The following REPS1 variants were observed in gnomAD, a reference collection of about 807,000 sequenced individuals.
REPS1 encodes ralBP1-associated Eps domain-containing protein 1.
In REPS1, 39 loss-of-function variants were observed where a neutral mutation model predicts 100.9. The observed-to-expected ratio is 0.39, with a 90% CI of 0.30 to 0.50. REPS1 has a LOEUF of 0.50. REPS1 is among the 20% of genes least tolerant of loss of function. REPS1 has a pLI of 0.86. For synonymous variants in REPS1, 324 were observed against 340.3 expected (o/e 0.95, Z 0.53); for missense variants, 821 against 968.5 (o/e 0.85, Z 2.02).
intron 13 of REPS1, 154 bp from the exon 14 acceptor site, chr6:138,916,130 C>A: frequency 1.5e-6 from 1 of 678,168 alleles, no homozygotes; most frequent in Non-Finnish European, 2.7e-6. Flanking sequence ...ATTAAGATAG[C>A]ACTGTTTATG....
At chr6:138,930,430 T>C (rs1285392644) in intron 8 of REPS1, among the ~76,000 whole-genome samples, 1 of 152,224 alleles carries the variant, frequency 6.6e-6, no homozygotes, top group African/African-American at 2.4e-5. Context: ...CCAAAGTGTA[T>C]TCTATTCCAT....
At chr6:138,913,318 A>AT (rs575204789) in intron 15 of REPS1, among the ~76,000 whole-genome samples, 7 of 151,120 alleles carry the variant, frequency 4.6e-5, no homozygotes, top group South Asian at 2.1e-4. Flanking sequence ...TAAATAAGTT[A>AT]TTTTTTTTTA....
At chr6:138,950,716 G>T (rs1357489814) in intron 1 of REPS1, among the ~76,000 whole-genome samples, 1 of 152,016 alleles carries the variant, frequency 6.6e-6, no homozygotes, top group Non-Finnish European at 1.5e-5. Flanking sequence ...AGAAATTTTT[G>T]AATTATCCTC....
At chr6:138,952,393 T>C (rs1783093826) in intron 1 of REPS1, among the ~76,000 whole-genome samples, 1 of 150,082 alleles carries the variant, frequency 6.7e-6, no homozygotes, top group African/African-American at 2.5e-5. Flanking sequence ...CAGTAGCATT[T>C]TTTTTTCTTT....
intron 1 of REPS1, among the ~76,000 whole-genome samples, chr6:138,980,696 G>T (rs1288853806): frequency 7.6e-6 from 1 of 131,390 alleles, no homozygotes; most frequent in Non-Finnish European, 1.7e-5. Flanking sequence ...GGGGGGGGGG[G>T]GGAACGGAGA....
At chr6:138,980,869 G>T (rs1784911229) in intron 1 of REPS1, among the ~76,000 whole-genome samples, 1 of 151,944 alleles carries the variant, frequency 6.6e-6, no homozygotes. Flanking sequence ...TTTTCTTTTC[G>T]ACATTGGCAC....
intron 1 of REPS1, among the ~76,000 whole-genome samples, chr6:138,966,924 C>T (rs767610869): frequency 3.3e-5 from 5 of 152,296 alleles, no homozygotes; most frequent in Middle Eastern, 3.4e-3. Flanking sequence ...TTTGAAGATA[C>T]GCTTTAAACC....
chr6:138,959,351 C>T (rs1162823268), intron 1 of REPS1, among the ~76,000 whole-genome samples: 3 of 152,096 alleles, frequency 2.0e-5, no homozygotes, highest in Admixed American at 6.6e-5. Flanking sequence ...GAGCCTGAAT[C>T]CATGAGCTGA....
chr6:138,903,568 T>C lies in REPS1; in HGVS notation c.*1496A>G, dbSNP rs1432684484. ...CTTTAACAAATATTTTTGACATTGT[T>C]AAATTAGAAGGCTATTTTTAAAAAG... is the stretch of plus-strand genomic sequence containing the variant. On this transcript the variant is annotated 3_prime_UTR_variant, in exon 20 of 20. Transcript: ENST00000450536. 5 of 152,296 alleles carry C rather than the reference T, an allele frequency of 3.3e-5. No homozygotes were observed. The East Asian group carries it at 7.7e-4, about 23-fold the overall frequency. 9.4% of individuals were successfully genotyped at this position (152,296 alleles called of 1,614,324 possible). A position where few individuals can be genotyped will look rare whatever the true frequency, so the allele number is the denominator to read the frequency against.
chr6:138,980,874 T>C (rs1040249387), intron 1 of REPS1, among the ~76,000 whole-genome samples: 1 of 152,088 alleles, frequency 6.6e-6, no homozygotes, highest in Non-Finnish European at 1.5e-5. Context: ...TTTTCGACAT[T>C]GGCACAAGTC....
chr6:138,907,083 T>C (rs1779699354), intron 19 of REPS1, among the ~76,000 whole-genome samples: 1 of 152,190 alleles, frequency 6.6e-6, no homozygotes, highest in African/African-American at 2.4e-5. Flanking sequence ...CTTTTCTCTT[T>C]CCACATGCAA....
At position 138,937,930 on chromosome 6, in the gene REPS1, G is replaced by C. The variant is rs554919112; in HGVS notation, c.1135+3405C>G. Among the ~76,000 whole-genome samples the C allele has an allele frequency of 6.6e-5, 10 of 152,056 alleles. No individual in the cohort carries two copies. The East Asian group carries it at 1.7e-3, about 26-fold the overall frequency. On this transcript the variant is annotated intron_variant, in intron 8 of 19. Coordinates refer to ENST00000450536, the MANE Select transcript of REPS1 (RefSeq NM_001286611.2). The stretch of plus-strand genomic sequence containing the variant: ...GAAGTACATGTAAAATTGCAACTGT[G>C]CTTTGCAAAGGAGAAGATTCTTTAG...
chr6:138,967,577 G>T lies in REPS1; in HGVS notation c.154-19664C>A, dbSNP rs575065536. Among the ~76,000 whole-genome samples the T allele has an allele frequency of 3.9e-5, 6 of 152,202 alleles. No homozygotes were observed. The East Asian group carries it at 1.2e-3, about 29-fold the overall frequency. ...TAGGCAGCAATAATTTTAGGGTAAA[G>T]GTAGTTCAGAGTAGTTTTCCTGAAG... is the stretch of plus-strand genomic sequence containing the variant. On this transcript the variant is annotated intron_variant, in intron 1 of 19. Transcript: ENST00000450536.
At chr6:138,924,340 A>G (rs951878960) in intron 10 of REPS1, among the ~76,000 whole-genome samples, 1 of 152,190 alleles carries the variant, frequency 6.6e-6, no homozygotes, top group Admixed American at 6.6e-5. Context: ...CACACTAGAG[A>G]TAACAAAGGA....
chr6:138,987,895 C>A lies in REPS1; in HGVS notation c.-213G>T. 1 of 421,024 alleles carries A rather than the reference C, an allele frequency of 2.4e-6. No homozygotes were observed. Among genetic ancestry groups the A allele is most frequent in the Non-Finnish European group, 3.9e-6 (1 of 255,452 alleles). The allele number at this position is 421,024 out of a possible 1,614,324, so 26.1% of individuals were successfully genotyped here. ...GCTGCGCTCGCCGCGCCGCTGCCTG[C>A]GAGGCCCGGCGCGCGGCTGCGGCTG... On this transcript the variant is annotated 5_prime_UTR_variant, in exon 1 of 20. Transcript: ENST00000450536.
At chr6:138,946,182 C>G (rs1277539759) in intron 2 of REPS1, among the ~76,000 whole-genome samples, 1 of 152,182 alleles carries the variant, frequency 6.6e-6, no homozygotes, top group African/African-American at 2.4e-5. Context: ...AAGTAAAACA[C>G]AGAATATGTC....
intron 1 of REPS1, among the ~76,000 whole-genome samples, chr6:138,960,681 A>C (rs1259260738): frequency 6.6e-6 from 1 of 152,214 alleles, no homozygotes; most frequent in African/African-American, 2.4e-5. Flanking sequence ...AGGAGTATTT[A>C]GATAGCTTTT....
chr6:138,987,400 C>T, intron 1 of REPS1, 130 bp downstream of exon 1: 1 of 1,034,946 alleles, frequency 9.7e-7, no homozygotes, highest in Non-Finnish European at 1.3e-6. Flanking sequence ...CCTGCGGCCC[C>T]TGCCCGCTGC....
chr6:138,935,465 A>G (rs1781746303), intron 8 of REPS1, among the ~76,000 whole-genome samples: 1 of 152,206 alleles, frequency 6.6e-6, no homozygotes, highest in African/African-American at 2.4e-5. Context: ...TCCATTCAAA[A>G]TAAATACTAA....
Sources: gnomAD v4.1 joint callset for allele counts (sites outside exome capture counted in the v4.1 genomes callset) on GRCh38, gnomAD v4.1.1 for gene constraint, MANE v1.5 for transcripts, NCBI Gene and HGNC (gene_info 2026-07-23, HGNC 2026-07-21) for gene names.